MAML3: variants seen among roughly 807,000 people sequenced by gnomAD.
MAML3 encodes mastermind-like protein 3.
MAML3 carries 27 observed loss-of-function variants against 101.9 expected under a neutral mutation model. That is an observed-to-expected ratio of 0.27 (90% CI 0.20 to 0.37). The LOEUF is 0.37. MAML3 is among the 10% of genes least tolerant of loss of function. The pLI is 1.00. For synonymous variants in MAML3, 501 were observed against 555.9 expected, an observed-to-expected ratio of 0.90 and a Z score of 1.39; for missense variants, 1,316 against 1,444.9, an observed-to-expected ratio of 0.91 and a Z score of 1.45.
At chr4:139,876,349 T>C (rs1000299736) in intron 2 of MAML3, among the ~76,000 whole-genome samples, 3 of 152,206 alleles carry the variant, frequency 2.0e-5, no homozygotes, top group African/African-American at 7.2e-5. Flanking sequence ...GCTCTAGAGT[T>C]TGGAAACTCT....
rs1376618422 is a variant in MAML3, at chr4:140,153,663, CCTT to C, written c.-339_-337del. 1 of 287,782 alleles carries C rather than the reference CCTT, an allele frequency of 3.5e-6. No individual in the cohort carries two copies. Among genetic ancestry groups the C allele is most frequent in the Non-Finnish European group, 6.4e-6 (1 of 156,746 alleles). 17.8% of individuals were successfully genotyped at this position (287,782 alleles called of 1,614,324 possible). A position where few individuals can be genotyped will look rare whatever the true frequency, so the allele number is the denominator to read the frequency against. ...CAAGGGGAGATCCGCTCCTTGCTTG[CCTT>C]CTTTTTATAATCCATTATTTTCTAA... is the stretch of plus-strand genomic sequence containing the variant. On this transcript the variant is annotated 5_prime_UTR_variant, in exon 1 of 5. Coordinates refer to ENST00000509479, the MANE Select transcript of MAML3 (RefSeq NM_018717.5).
intron 1 of MAML3, among the ~76,000 whole-genome samples, chr4:140,077,451 C>T (rs569077837): frequency 2.6e-5 from 4 of 152,286 alleles, no homozygotes; most frequent in African/African-American, 9.6e-5. Context: ...TCTTCCATCA[C>T]GTTGCCCCCT....
At chr4:140,116,697 A>G (rs998000281) in intron 1 of MAML3, among the ~76,000 whole-genome samples, 26 of 152,220 alleles carry the variant, frequency 1.7e-4, no homozygotes, top group Non-Finnish European at 3.7e-4. Context: ...CAGGGCAGGA[A>G]GTGAATCATG....
chr4:139,817,406 A>G lies in MAML3; in HGVS notation c.2079+71951T>C, dbSNP rs375242664. Among the ~76,000 whole-genome samples, 3 of 152,300 alleles carry G rather than the reference A, an allele frequency of 2.0e-5. No homozygotes were observed. In the East Asian group the frequency reaches 5.8e-4, roughly 29 times the overall value. On this transcript the variant is annotated intron_variant, in intron 2 of 4. Coordinates refer to ENST00000509479, the MANE Select transcript of MAML3 (RefSeq NM_018717.5). The stretch of plus-strand genomic sequence containing the variant: ...TATACCTCAAAATCCATATGATCCA[A>G]ATGAAACCCATGACCTCCACCTTCT...
At chr4:140,088,598 C>G (rs1488146105) in intron 1 of MAML3, among the ~76,000 whole-genome samples, 2 of 152,150 alleles carry the variant, frequency 1.3e-5, no homozygotes, top group Non-Finnish European at 2.9e-5. Flanking sequence ...TAGTACAGCT[C>G]TGACCTTGTT....
chr4:139,803,527 T>C (rs1730647328), intron 2 of MAML3, among the ~76,000 whole-genome samples: 1 of 152,162 alleles, frequency 6.6e-6, no homozygotes, highest in African/African-American at 2.4e-5. Context: ...TAACCATGTT[T>C]GCTAGGAAAA....
chr4:140,108,905 C>T (rs1037752803), intron 1 of MAML3, among the ~76,000 whole-genome samples: 2 of 152,156 alleles, frequency 1.3e-5, no homozygotes, highest in African/African-American at 4.8e-5. Flanking sequence ...CCAAGGAACA[C>T]ACTGCCCAGC....
intron 1 of MAML3, among the ~76,000 whole-genome samples, chr4:140,068,307 C>T (rs777635786): frequency 3.0e-4 from 45 of 152,198 alleles, no homozygotes; most frequent in Non-Finnish European, 5.9e-5. Flanking sequence ...AACCTGAGCA[C>T]ACACAGGCTT....
intron 1 of MAML3, among the ~76,000 whole-genome samples, chr4:139,964,810 A>T (rs376026861): frequency 1.2e-4 from 18 of 152,290 alleles, no homozygotes; most frequent in African/African-American, 3.9e-4. Context: ...CAACTCAATT[A>T]GGCTTTAAAT....
At chr4:139,833,820 C>A (rs766571254) in intron 2 of MAML3, among the ~76,000 whole-genome samples, 18 of 152,022 alleles carry the variant, frequency 1.2e-4, no homozygotes, top group Non-Finnish European at 2.2e-4. Flanking sequence ...GGGGTGGGGG[C>A]TCTCCACCAG....
At chr4:139,783,515 G>C (rs1730253418) in intron 2 of MAML3, among the ~76,000 whole-genome samples, 1 of 152,176 alleles carries the variant, frequency 6.6e-6, no homozygotes, top group Admixed American at 6.5e-5. Context: ...CTGCCTTTCT[G>C]CTTCCAAGTG....
chr4:139,864,483 C>T (rs1221699130), intron 2 of MAML3, among the ~76,000 whole-genome samples: 1 of 152,026 alleles, frequency 6.6e-6, no homozygotes, highest in Non-Finnish European at 1.5e-5. Flanking sequence ...TCAAGACCAT[C>T]CTGGCCAACA....
intron 2 of MAML3, among the ~76,000 whole-genome samples, chr4:139,771,338 C>A (rs1445599566): frequency 6.6e-6 from 1 of 152,138 alleles, no homozygotes; most frequent in African/African-American, 2.4e-5. Flanking sequence ...ATCTAAGGAC[C>A]CTTTTTGCAG....
intron 1 of MAML3, among the ~76,000 whole-genome samples, chr4:139,952,283 T>C (rs925555982): frequency 1.3e-5 from 2 of 152,162 alleles, no homozygotes; most frequent in Admixed American, 1.3e-4. Flanking sequence ...GGTTAGATAA[T>C]AGGGAAGTTA....
At chr4:139,883,731 G>A (rs1436882006) in intron 2 of MAML3, among the ~76,000 whole-genome samples, 1 of 152,042 alleles carries the variant, frequency 6.6e-6, no homozygotes, top group Non-Finnish European at 1.5e-5. Flanking sequence ...GGTGAGGCAG[G>A]AGACTACTGT....
At chr4:139,951,758 G>A (rs1156893945) in intron 1 of MAML3, among the ~76,000 whole-genome samples, 2 of 150,182 alleles carry the variant, frequency 1.3e-5, no homozygotes, top group Non-Finnish European at 1.5e-5. Context: ...GTCTCCAGTA[G>A]CAGGAAAGTT....
chr4:139,719,617 G>A lies in MAML3; in HGVS notation c.3123C>T (p.Ser1041=), dbSNP rs770514552. The change falls in exon 5 of 5, where the codon AGC becomes AGT. Residue 1041 remains serine, a synonymous_variant. Transcript: ENST00000509479. ...MPSLPGQQGT[S]QARPMVMSGL... ...CAGACATGACCATTGGCCTCGCCTG[G>A]CTGGTGCCTTGCTGCCCCGGGAGCG... The A allele has an allele frequency of 6.2e-7, 1 of 1,612,638 alleles. No homozygotes were observed. The highest frequency in any genetic ancestry group is 1.7e-5 in the Admixed American group (1 of 59,838).
chr4:139,993,351 CAAA>C (rs36164698), intron 1 of MAML3, among the ~76,000 whole-genome samples: 20 of 127,356 alleles, frequency 1.6e-4, no homozygotes, highest in African/African-American at 2.3e-4. Context: ...GACTCCATCT[CAAA>C]AAAAAAAAAA....
chr4:140,060,223 G>C (rs1046706558), intron 1 of MAML3, among the ~76,000 whole-genome samples: 2 of 151,724 alleles, frequency 1.3e-5, no homozygotes, highest in African/African-American at 4.8e-5. Context: ...AAAATTAGCC[G>C]AGTGTGGTGG....
Sources: gnomAD v4.1 joint callset for allele counts (sites outside exome capture counted in the v4.1 genomes callset) on GRCh38, gnomAD v4.1.1 for gene constraint, MANE v1.5 for transcripts, NCBI Gene and HGNC (gene_info 2026-07-23, HGNC 2026-07-21) for gene names.